The following CNIH3 variants were observed in gnomAD, a reference collection of about 807,000 sequenced individuals.
CNIH3 encodes the protein cornichon family AMPA receptor auxiliary protein 3.
A neutral mutation model predicts 24.1 loss-of-function variants in CNIH3; 14 were observed. The ratio of observed to expected loss-of-function variants is 0.58; its 90% CI spans 0.38 to 0.91. The LOEUF is 0.91. Among genes scored for constraint, CNIH3 ranks in the 40% least tolerant of loss-of-function variants. CNIH3 has a pLI of 0.00. For missense variants in CNIH3, 178 were observed against 196.8 expected (o/e 0.90, Z 0.57); for synonymous variants, 68 against 73.8 (o/e 0.92, Z 0.40).
At chr1:224,727,865 C>T (rs1447730293) in intron 3 of CNIH3, among the ~76,000 whole-genome samples, 3 of 152,116 alleles carry the variant, frequency 2.0e-5, no homozygotes, top group Non-Finnish European at 4.4e-5. Flanking sequence ...AGAGAAGCCA[C>T]CTGAAATGGC....
chr1:224,714,991 A>G (rs1358624797), intron 3 of CNIH3, among the ~76,000 whole-genome samples: 1 of 152,204 alleles, frequency 6.6e-6, no homozygotes, highest in Non-Finnish European at 1.5e-5. Context: ...TCCTCTCTCC[A>G]CATAAAATTG....
At chr1:224,702,158 ATACCAT>A (rs1687528959) in intron 3 of CNIH3, among the ~76,000 whole-genome samples, 1 of 152,130 alleles carries the variant, frequency 6.6e-6, no homozygotes, top group African/African-American at 2.4e-5. Context: ...TTTTCCCCAC[ATACCAT>A]TACATCACCG....
intron 1 of CNIH3, among the ~76,000 whole-genome samples, chr1:224,635,322 A>C (rs1684037034): frequency 1.3e-5 from 2 of 152,184 alleles, no homozygotes; most frequent in South Asian, 4.1e-4. Context: ...ATTCGAGATG[A>C]GATTTGGGTG....
intron 1 of CNIH3, among the ~76,000 whole-genome samples, chr1:224,473,715 C>T (rs986127646): frequency 3.3e-5 from 5 of 152,142 alleles, no homozygotes. Flanking sequence ...TTCAACACCC[C>T]ACTTCCAGCA....
chr1:224,486,945 C>T (rs1397952314), intron 1 of CNIH3, among the ~76,000 whole-genome samples: 1 of 152,122 alleles, frequency 6.6e-6, no homozygotes. Flanking sequence ...AAACAGGCTC[C>T]GGATGGACTA....
chr1:224,441,784 A>G (rs1558460216), intron 1 of CNIH3, among the ~76,000 whole-genome samples: 2 of 152,178 alleles, frequency 1.3e-5, no homozygotes, highest in Non-Finnish European at 2.9e-5. Flanking sequence ...TTCTTCAGTT[A>G]ATTGTTATTT....
At chr1:224,565,778 C>T (rs905974821) in intron 3 of CNIH3, 10 of 152,362 alleles carry the variant, frequency 6.6e-5, no homozygotes, top group African/African-American at 2.4e-4. Flanking sequence ...CACATATTGC[C>T]AACTTGCTTC....
intron 1 of CNIH3, among the ~76,000 whole-genome samples, chr1:224,619,171 G>C (rs1289469534): frequency 6.6e-6 from 1 of 152,200 alleles, no homozygotes; most frequent in Non-Finnish European, 1.5e-5. Flanking sequence ...CCCTGAAGCA[G>C]AGCAAGTAAC....
rs1240068856 is a variant in CNIH3, at chr1:224,616,669, C to G, written c.-506C>G. On this transcript the variant is annotated 5_prime_UTR_variant, in exon 1 of 6. Transcript: ENST00000272133. The stretch of plus-strand genomic sequence containing the variant: ...GGATTTGGGAGGAGCTCGGAGGCCG[C>G]TCGGGCACCTCGCTGGACACTATCC... The G allele has an allele frequency of 6.1e-6, 6 of 988,480 alleles. No homozygotes were observed. Among genetic ancestry groups the G allele is most frequent in the Non-Finnish European group, 4.8e-6 (4 of 832,142 alleles). The allele number at this position is 988,480 out of a possible 1,614,324, so 61.2% of individuals were successfully genotyped here. A position where few individuals can be genotyped will look rare whatever the true frequency, so the allele number is the denominator to read the frequency against.
downstream of CNIH3, among the ~76,000 whole-genome samples, chr1:224,592,642 C>T (rs77374695): frequency 8.1e-3 from 1,239 of 152,290 alleles, 42 homozygotes; most frequent in East Asian, 0.086. Flanking sequence ...AAAATGGCAT[C>T]ACAGAGTTAT....
chr1:224,618,662 C>T (rs1683145970), intron 1 of CNIH3, among the ~76,000 whole-genome samples: 1 of 152,154 alleles, frequency 6.6e-6, no homozygotes, highest in Non-Finnish European at 1.5e-5. Context: ...GAAAATTGAC[C>T]TGGATAGTCG....
At chr1:224,682,877 A>G (rs1558288775) in intron 2 of CNIH3, among the ~76,000 whole-genome samples, 2 of 152,232 alleles carry the variant, frequency 1.3e-5, no homozygotes, top group Admixed American at 1.3e-4. Context: ...TTCCAGGGCA[A>G]ATGCTAGGGA....
At chr1:224,580,801 G>C (rs897523163) in intron 4 of CNIH3, among the ~76,000 whole-genome samples, 3 of 139,520 alleles carry the variant, frequency 2.2e-5, no homozygotes, top group African/African-American at 8.7e-5. Flanking sequence ...GCGAGACTCT[G>C]TCTCAAAAAA....
rs189079688 is a variant in CNIH3 at position 224,604,276 on chromosome 1, C to T, written n.402+38012C>T. Among the ~76,000 whole-genome samples, 53 of 152,272 alleles carry T rather than the reference C, an allele frequency of 3.5e-4. No individual in the cohort carries two copies. The East Asian group carries it at 6.9e-3, about 20-fold the overall frequency. On this transcript the variant is annotated intron_variant and non_coding_transcript_variant, in intron 3 of 7. Coordinates refer to the CNIH3 transcript ENST00000478120. The surrounding 1 kb of genome is among the most constrained non-coding windows in gnomAD (Gnocchi z 4.4). The stretch of plus-strand genomic sequence containing the variant: ...AGAAATCTTTCAATAGTATAGGAAT[C>T]GCTGCAGTTATATTAATGAATATTG...
rs569662563 is a variant in CNIH3, at chr1:224,488,719, C to T, written n.204-27022C>T. ...CTGGCTTCAAGCAATCCTCCTGCCCCGTCTTTCCAAAATGCTTGGATTATA... is the reference window on the plus strand; with the variant it reads ...CTGGCTTCAAGCAATCCTCCTGCCCTGTCTTTCCAAAATGCTTGGATTATA... On this transcript the variant is annotated intron_variant and non_coding_transcript_variant, in intron 1 of 5. Coordinates refer to the CNIH3 transcript ENST00000471578. 2.2e-4 allele frequency among the ~76,000 whole-genome samples: 33 copies of T among 152,080 alleles called. No homozygotes were observed. The South Asian group carries it at 6.4e-3, about 30-fold the overall frequency.
intron 1 of CNIH3, among the ~76,000 whole-genome samples, chr1:224,517,919 T>TG (rs1296123273): frequency 6.6e-6 from 1 of 152,126 alleles, no homozygotes; most frequent in African/African-American, 2.4e-5. Context: ...TTGGGAATGA[T>TG]GGGGGTGCCT....
intron 1 of CNIH3, among the ~76,000 whole-genome samples, chr1:224,472,594 C>G (rs1213265254): frequency 6.6e-6 from 1 of 152,080 alleles, no homozygotes; most frequent in East Asian, 1.9e-4. Context: ...TATCAGGACG[C>G]AAAGGCATAA....
chr1:224,472,604 AG>A (rs1266824968), intron 1 of CNIH3, among the ~76,000 whole-genome samples: 6 of 152,218 alleles, frequency 3.9e-5, no homozygotes, highest in African/African-American at 1.4e-4. Context: ...CAAAGGCATA[AG>A]AATGATACAT....
At chr1:224,591,813 G>A (rs1322171067), downstream of CNIH3, among the ~76,000 whole-genome samples, 1 of 152,138 alleles carries the variant, frequency 6.6e-6, no homozygotes, top group Non-Finnish European at 1.5e-5. Flanking sequence ...TTTACTGTAT[G>A]ACCTTGGTGC....
Sources: allele counts gnomAD v4.1 joint callset (sites outside exome capture counted in the v4.1 genomes callset), GRCh38; gene constraint gnomAD v4.1.1; non-coding constraint Gnocchi (gnomAD v3.1); transcripts MANE v1.5; gene names NCBI Gene and HGNC (gene_info 2026-07-23, HGNC 2026-07-21).